The following ACSM1 variants were observed in gnomAD, a reference collection of about 807,000 sequenced individuals.
The protein encoded by ACSM1 is acyl-CoA synthetase medium chain family member 1.
A neutral mutation model predicts 75.8 loss-of-function variants in ACSM1; 79 were observed. That is an observed-to-expected ratio of 1.04 (90% CI 0.87 to 1.26). The LOEUF (loss-of-function observed/expected upper bound fraction) is 1.26. ACSM1 is among the 50% of genes most tolerant of loss of function. The pLI, the probability that ACSM1 is intolerant of heterozygous loss-of-function variation, is 0.00. For missense variants in ACSM1, 676 were observed against 720.1 expected (o/e 0.94, Z 0.70); for synonymous variants, 279 against 265.8 (o/e 1.05, Z -0.48).
chr16:20,627,328 A>G lies in ACSM1; in HGVS notation c.1300-12T>C. ...TTCTCTGGGTCACCCTGCAAAAAGA[A>G]GAGAGCTCCTTTGTTGAAGGCAGTG... On this transcript the variant is annotated splice_polypyrimidine_tract_variant and intron_variant, in intron 10 of 13. Coordinates refer to ENST00000520010, the MANE Select transcript of ACSM1 (RefSeq NM_001318890.3). The G allele has an allele frequency of 6.4e-7, 1 of 1,559,820 alleles. No individual in the cohort carries two copies. The highest frequency in any genetic ancestry group is 2.5e-5 in the East Asian group (1 of 39,832).
At chr16:20,636,087 C>G (rs554862738) in intron 10 of ACSM1, among the ~76,000 whole-genome samples, 1 of 152,244 alleles carries the variant, frequency 6.6e-6, no homozygotes, top group Non-Finnish European at 1.5e-5. Context: ...CCAGGACAGC[C>G]GCCAATGAAA....
chr16:20,672,472 A>AAAAAAAC (rs869173836), intron 4 of ACSM1, among the ~76,000 whole-genome samples: 1 of 57,664 alleles, frequency 1.7e-5, no homozygotes, highest in African/African-American at 6.7e-5. Flanking sequence ...AAAAAAAAAA[A>AAAAAAAC]TATATATATA....
At chr16:20,635,584 CTTTCTT>C (rs1567251589) in intron 10 of ACSM1, among the ~76,000 whole-genome samples, 1,798 of 6,306 alleles carry the variant, frequency 0.29, 19 homozygotes, top group Non-Finnish European at 0.3. Flanking sequence ...TTTTCTTTTT[CTTTCTT>C]TCTTTCTTTC....
At chr16:20,677,495 C>T (rs1041408102) in intron 4 of ACSM1, among the ~76,000 whole-genome samples, 1 of 152,152 alleles carries the variant, frequency 6.6e-6, no homozygotes, top group African/African-American at 2.4e-5. Flanking sequence ...CTGTGAATAC[C>T]CTAAACCCGG....
At chr16:20,665,179 A>G (rs370810253) in intron 6 of ACSM1, among the ~76,000 whole-genome samples, 50 of 152,252 alleles carry the variant, frequency 3.3e-4, no homozygotes, top group African/African-American at 1.1e-3. Context: ...AAGATGCAAA[A>G]GTTTATACAA....
At chr16:20,643,208 C>A (rs1334752108) in intron 7 of ACSM1, among the ~76,000 whole-genome samples, 1 of 152,192 alleles carries the variant, frequency 6.6e-6, no homozygotes, top group Non-Finnish European at 1.5e-5. Context: ...AAGCCTGACA[C>A]CCATGTCTTT....
chr16:20,636,643 T>G, intron 10 of ACSM1, 96 bp downstream of exon 10: 1 of 841,036 alleles, frequency 1.2e-6, no homozygotes, highest in Non-Finnish European at 2.0e-6. Context: ...TTCATTGAGT[T>G]AGAGCAAATA....
At chr16:20,663,036 C>T (rs1386950119) in intron 6 of ACSM1, among the ~76,000 whole-genome samples, 1 of 152,128 alleles carries the variant, frequency 6.6e-6, no homozygotes, top group Non-Finnish European at 1.5e-5. Context: ...TGGAACATGT[C>T]CTGGGTCCAG....
intron 8 of ACSM1, 54 bp downstream of exon 8, chr16:20,640,407 T>A: frequency 6.2e-7 from 1 of 1,603,906 alleles, no homozygotes. Flanking sequence ...AGCAAAATAA[T>A]CTTTTAAATT....
At chr16:20,637,042 TA>T in intron 9 of ACSM1, 1 of 728,460 alleles carries the variant, frequency 1.4e-6, no homozygotes, top group Non-Finnish European at 2.5e-6. Context: ...CATGAGTTAG[TA>T]GATGTCACCA....
At chr16:20,667,347 A>C (rs1322756928) in intron 6 of ACSM1, among the ~76,000 whole-genome samples, 1 of 152,192 alleles carries the variant, frequency 6.6e-6, no homozygotes, top group Non-Finnish European at 1.5e-5. Context: ...AAAAATGGGC[A>C]AAGTACATAA....
chr16:20,682,313 T>C lies in ACSM1; in HGVS notation c.554A>G (p.Lys185Arg), dbSNP rs770109863. ...IASQCPSLKT[K>R]LLVSDHSREG... The stretch of plus-strand genomic sequence containing the variant: ...ACGGCTGTGATCAGACACCAGGAGC[T>C]TGGTTTTCAGAGAGGGGCACTGAGA... The change falls in exon 4 of 14, where the codon AAG (lysine) becomes AGG (arginine). Residue 185 changes from lysine to arginine, a missense_variant. Lys to Arg is a conservative substitution (Grantham distance 26). Coordinates refer to ENST00000520010, the MANE Select transcript of ACSM1 (RefSeq NM_001318890.3). 3.1e-6 allele frequency: 5 copies of C among 1,613,878 alleles called. 1 individual carries two copies. The South Asian group carries it at 3.3e-5, about 11-fold the overall frequency.
At chr16:20,655,974 T>C (rs1479746592) in intron 7 of ACSM1, among the ~76,000 whole-genome samples, 1 of 152,200 alleles carries the variant, frequency 6.6e-6, no homozygotes, top group East Asian at 1.9e-4. Context: ...TTATTTTTAA[T>C]GCAAGAAGTT....
At position 20,625,481 on chromosome 16, in the gene ACSM1, T is replaced by G. The variant is rs745581421; in HGVS notation, c.1469A>C (p.Glu490Ala). 6.8e-6 allele frequency: 11 copies of G among 1,614,166 alleles called. No homozygotes were observed. The South Asian group carries it at 1.2e-4, about 18-fold the overall frequency. Reference sequence around the variant, plus strand: ...GGCTGACTCCGCCACCGCTGGGTGCTCCACCAAAGCGCTTTCAACCTCTGC... The same window carrying G: ...GGCTGACTCCGCCACCGCTGGGTGCGCCACCAAAGCGCTTTCAACCTCTGC... ...GPAEVESALV[E>A]HPAVAESAVV... The change falls in exon 12 of 14, where the codon GAG becomes GCG. Residue 490 changes from glutamate to alanine, a missense_variant. Transcript: ENST00000520010.
At chr16:20,640,654 T>G in intron 7 of ACSM1, 70 bp from the exon 8 acceptor site, 1 of 1,601,556 alleles carries the variant, frequency 6.2e-7, no homozygotes, top group African/African-American at 1.3e-5. Context: ...CTCTTAAGTC[T>G]GTCACCCAGA....
intron 4 of ACSM1, among the ~76,000 whole-genome samples, 167 bp from the exon 5 acceptor site, chr16:20,671,838 C>T (rs1200403198): frequency 6.6e-6 from 1 of 152,040 alleles, no homozygotes; most frequent in East Asian, 1.9e-4. Flanking sequence ...ATGGGTGATT[C>T]GGACATGTGG....
intron 7 of ACSM1, among the ~76,000 whole-genome samples, chr16:20,647,938 C>A (rs1053375171): frequency 1.3e-5 from 2 of 152,184 alleles, no homozygotes; most frequent in East Asian, 1.9e-4. Flanking sequence ...TCATCATGCA[C>A]CTGCCCTTTT....
chr16:20,657,508 A>C (rs231928), intron 7 of ACSM1, among the ~76,000 whole-genome samples: 72,404 of 151,800 alleles, frequency 0.48, 20,199 homozygotes, highest in East Asian at 0.86. Context: ...AGGGTTTCAC[A>C]ATGTTGGCCA....
At chr16:20,641,975 T>A (rs1179965554) in intron 7 of ACSM1, among the ~76,000 whole-genome samples, 1 of 152,206 alleles carries the variant, frequency 6.6e-6, no homozygotes. Context: ...AGACATGTAT[T>A]ACGAAGAGTG....
Sources: allele counts gnomAD v4.1 joint callset (sites outside exome capture counted in the v4.1 genomes callset), GRCh38; gene constraint gnomAD v4.1.1; transcripts MANE v1.5; gene names NCBI Gene and HGNC (gene_info 2026-07-23, HGNC 2026-07-21).